TYW3: variants seen among roughly 807,000 people sequenced by gnomAD.
TYW3 encodes tRNA wybutosine-synthesizing protein 3 homolog.
In TYW3, 26 loss-of-function variants were observed where a neutral mutation model predicts 23.1. The ratio of observed to expected loss-of-function variants is 1.13; its 90% confidence interval spans 0.83 to 1.56. The LOEUF (loss-of-function observed/expected upper bound fraction) is 1.56, where lower values mean the gene tolerates loss of function less well. TYW3 is among the 40% of genes most tolerant of loss of function. The pLI, the probability that TYW3 is intolerant of heterozygous loss-of-function variation, is 0.00. For synonymous variants in TYW3, 102 were observed against 105.7 expected (o/e 0.97, Z 0.21); for missense variants, 316 against 311.9 (o/e 1.01, Z -0.10).
chr1:74,762,543 A>G (rs577899733), intron 5 of TYW3, among the ~76,000 whole-genome samples: 22 of 152,214 alleles, frequency 1.4e-4, no homozygotes, highest in African/African-American at 4.8e-4. Context: ...CCAGCACTCT[A>G]CTACATGCTC....
intron 2 of TYW3, 117 bp downstream of exon 2, chr1:74,736,739 T>A: frequency 1.3e-6 from 1 of 773,772 alleles, no homozygotes; most frequent in Non-Finnish European, 2.0e-6. Flanking sequence ...GGCTGAAGAT[T>A]ATAAAACCTA....
intron 5 of TYW3, among the ~76,000 whole-genome samples, chr1:74,758,053 G>A (rs896635826): frequency 1.3e-5 from 2 of 152,176 alleles, no homozygotes; most frequent in Non-Finnish European, 2.9e-5. Context: ...GCCATAAATA[G>A]GGATCAGTGA....
At chr1:74,749,412 AT>A (rs1180171312) in intron 4 of TYW3, among the ~76,000 whole-genome samples, 1 of 151,988 alleles carries the variant, frequency 6.6e-6, no homozygotes, top group Non-Finnish European at 1.5e-5. Flanking sequence ...TAGAGAAAAG[AT>A]TTGCTGACCT....
In TYW3 at chr1:74,743,094, G is replaced by T. The variant is rs1570057978; in HGVS notation, c.354+4306G>T. 2.0e-5 allele frequency among the ~76,000 whole-genome samples: 3 copies of T among 152,290 alleles called. No homozygotes were observed. The East Asian group carries it at 5.8e-4, about 29-fold the overall frequency. On this transcript the variant is annotated intron_variant, in intron 3 of 5. Coordinates refer to ENST00000370867, the MANE Select transcript of TYW3 (RefSeq NM_138467.3). Reference sequence around the variant, plus strand: ...GCTCAGAGAACGTTTGTTCTCTGGGGCAGTGCACCTTCCAGTGATTGCCCT... The same window carrying T: ...GCTCAGAGAACGTTTGTTCTCTGGGTCAGTGCACCTTCCAGTGATTGCCCT...
chr1:74,756,482 T>C, intron 5 of TYW3, among the ~76,000 whole-genome samples: 1 of 152,178 alleles, frequency 6.6e-6, no homozygotes, highest in East Asian at 1.9e-4. Flanking sequence ...ACTGGCAGCA[T>C]TTTACCCCTG....
At chr1:74,744,480 T>C (rs1648480375) in intron 3 of TYW3, among the ~76,000 whole-genome samples, 1 of 152,016 alleles carries the variant, frequency 6.6e-6, no homozygotes, top group Non-Finnish European at 1.5e-5. Context: ...TGTTGATGCG[T>C]GAGTGTTTGG....
chr1:74,746,596 G>C (rs1369142253), intron 3 of TYW3, among the ~76,000 whole-genome samples: 1 of 152,108 alleles, frequency 6.6e-6, no homozygotes, highest in Non-Finnish European at 1.5e-5. Context: ...TTTTTGAGGG[G>C]GGTCCTTACC....
intron 5 of TYW3, among the ~76,000 whole-genome samples, chr1:74,760,177 T>C (rs1649094499): frequency 6.6e-6 from 1 of 152,178 alleles, no homozygotes; most frequent in Non-Finnish European, 1.5e-5. Context: ...AGCCTTTGTC[T>C]TCATCGTCTT....
chr1:74,743,611 T>C (rs999684328), intron 3 of TYW3, among the ~76,000 whole-genome samples: 2 of 152,178 alleles, frequency 1.3e-5, no homozygotes, highest in African/African-American at 4.8e-5. Flanking sequence ...TTTTTCCTAA[T>C]TCTCCTTAGT....
Position 74,748,841 on chromosome 1 carries a change from GA to G in TYW3, c.426+20del. On this transcript the variant is annotated intron_variant, in intron 4 of 5. Coordinates refer to ENST00000370867, the MANE Select transcript of TYW3 (RefSeq NM_138467.3). ...TATGTTGGTAAGATATTTTGTCAAA[GA>G]GTAATTTTTTTAGTGTAAAGTGATC... 1 of 1,611,834 alleles carries G rather than the reference GA, an allele frequency of 6.2e-7. No homozygotes were observed. Among genetic ancestry groups the G allele is most frequent in the Non-Finnish European group, 8.5e-7 (1 of 1,178,158 alleles).
chr1:74,737,461 A>T (rs1648190296), intron 2 of TYW3, among the ~76,000 whole-genome samples: 1 of 152,162 alleles, frequency 6.6e-6, no homozygotes, highest in Non-Finnish European at 1.5e-5. Flanking sequence ...TATTTTTGCT[A>T]GTGGAATGTG....
chr1:74,756,243 G>A (rs1014382345), intron 5 of TYW3, among the ~76,000 whole-genome samples: 13 of 152,226 alleles, frequency 8.5e-5, no homozygotes, highest in African/African-American at 2.7e-4. Context: ...ATGTGGAAGC[G>A]ACTTTGGAAC....
At chr1:74,760,267 A>G (rs1165632572) in intron 5 of TYW3, among the ~76,000 whole-genome samples, 3 of 152,176 alleles carry the variant, frequency 2.0e-5, no homozygotes, top group Non-Finnish European at 2.9e-5. Context: ...TAGAGAAGGT[A>G]GAAGGAGAAG....
chr1:74,761,503 C>A (rs377116823), intron 5 of TYW3, among the ~76,000 whole-genome samples: 110 of 151,884 alleles, frequency 7.2e-4, no homozygotes, highest in African/African-American at 2.3e-3. Flanking sequence ...AAAAAACACT[C>A]AGTTACCTAA....
intron 2 of TYW3, 42 bp downstream of exon 2, chr1:74,736,664 C>A: frequency 6.8e-7 from 1 of 1,466,988 alleles, no homozygotes; most frequent in South Asian, 1.3e-5. Flanking sequence ...CTTTTAAATT[C>A]AGTTACTTTA....
rs538338515 is a variant in TYW3, at chr1:74,754,845, C to T, written c.560+2420C>T. Among the ~76,000 whole-genome samples, 31 of 152,116 alleles carry T rather than the reference C, an allele frequency of 2.0e-4. 2 individuals are homozygous for T. The South Asian group carries it at 6.2e-3, about 31-fold the overall frequency. ...AAGCAGCAGACTGCTTTATAAACAG[C>T]TAATTTGGAGACTGGAAGAGACAGG... On this transcript the variant is annotated intron_variant, in intron 5 of 5. Coordinates refer to ENST00000370867, the MANE Select transcript of TYW3 (RefSeq NM_138467.3).
rs112427828 is a variant in TYW3, at chr1:74,746,146, C to A, written c.355-2605C>A. Among the ~76,000 whole-genome samples, 297 of 152,320 alleles carry A rather than the reference C, an allele frequency of 1.9e-3. 2 individuals carry two copies. Among genetic ancestry groups the A allele is most frequent in the African/African-American group, 6.9e-3 (285 of 41,574 alleles). On this transcript the variant is annotated intron_variant, in intron 3 of 5. Transcript: ENST00000370867. Reference sequence around the variant, plus strand: ...GACATTTGGGTAGAAGTCTGGAACTCAGGGGAGCCATGTGGACTGAGGACA... The same window carrying A: ...GACATTTGGGTAGAAGTCTGGAACTAAGGGGAGCCATGTGGACTGAGGACA...
Position 74,733,184 on chromosome 1 carries a change from C to G in TYW3, c.-61C>G, listed in dbSNP as rs1007713768. ...GCCACCGCTCGCTTCAATATGGCTGCCCCCAGGGAGAGACGAGGCTACCAT... is the reference window on the plus strand; with the variant it reads ...GCCACCGCTCGCTTCAATATGGCTGGCCCCAGGGAGAGACGAGGCTACCAT... On this transcript the variant is annotated 5_prime_UTR_variant, in exon 1 of 6. Coordinates refer to ENST00000370867, the MANE Select transcript of TYW3 (RefSeq NM_138467.3). The G allele has an allele frequency of 3.6e-5, 56 of 1,575,512 alleles. No homozygotes were observed. Among genetic ancestry groups the G allele is most frequent in the Non-Finnish European group, 8.6e-7 (1 of 1,160,942 alleles).
At chr1:74,748,691 CCAAA>C (rs142935215) in intron 3 of TYW3, 56 bp from the exon 4 acceptor site, 90,957 of 1,527,574 alleles carry the variant, frequency 0.06, 3,110 homozygotes, top group Non-Finnish European at 0.071. Context: ...GTTTGTGGAG[CCAAA>C]CAGATGATCT....
Sources: gnomAD v4.1 joint callset for allele counts (sites outside exome capture counted in the v4.1 genomes callset) on GRCh38, gnomAD v4.1.1 for gene constraint, MANE v1.5 for transcripts, NCBI Gene and HGNC (gene_info 2026-07-23, HGNC 2026-07-21) for gene names.